The following ABCA5 variants were observed in gnomAD, a reference collection of about 807,000 sequenced individuals.
The protein encoded by ABCA5 is cholesterol transporter ABCA5.
In ABCA5, 163 loss-of-function variants were observed where a neutral mutation model predicts 206.0. That is an observed-to-expected ratio of 0.79 (90% CI 0.70 to 0.90). The LOEUF (loss-of-function observed/expected upper bound fraction) is 0.90. Among genes scored for constraint, ABCA5 ranks in the 40% least tolerant of loss-of-function variants. The pLI is 0.00. For missense variants in ABCA5, 1,859 were observed against 1,912.9 expected, an observed-to-expected ratio of 0.97 and a Z score of 0.53; for synonymous variants, 609 against 613.8, an observed-to-expected ratio of 0.99 and a Z score of 0.11.
In ABCA5 at chr17:69,246,004, A is replaced by G. The variant is rs2074945835; in HGVS notation, c.*1533T>C. 6.6e-6 allele frequency: 1 copy of G among 152,012 alleles called. No individual in the cohort carries two copies. Among genetic ancestry groups the G allele is most frequent in the African/African-American group, 2.4e-5 (1 of 41,442 alleles). The allele number at this position is 152,012 out of a possible 1,614,324, so 9.4% of individuals were successfully genotyped here. On this transcript the variant is annotated 3_prime_UTR_variant, in exon 39 of 39. Transcript: ENST00000392676. ...ATTACAAAAGCACATCCCAAAAAAG[A>G]GGTCCCTGGGTATTTATGTGAACAT...
At position 69,249,976 on chromosome 17, in the gene ABCA5, G is replaced by A; in HGVS notation, c.4694C>T (p.Ser1565Phe). Residue 1565 changes from serine to phenylalanine, a missense_variant, in exon 37 of 39, where the codon TCT becomes TTT. Coordinates refer to ENST00000392676, the MANE Select transcript of ABCA5 (RefSeq NM_172232.4). The stretch of plus-strand genomic sequence containing the variant: ...CTTAGGAATTTTATAAGCCAAAATA[G>A]AAGAAAAACTGGAAAAAAAGATAAA... ...PNASRQESFSSILAYKIPKED... is the reference protein window; with the variant it reads ...PNASRQESFSFILAYKIPKED... 1.4e-6 allele frequency: 2 copies of A among 1,465,412 alleles called. No homozygotes were observed. The highest frequency in any genetic ancestry group is 1.8e-6 in the Non-Finnish European group (2 of 1,101,044). 90.8% of individuals were successfully genotyped at this position (1,465,412 alleles called of 1,614,324 possible).
intron 1 of ABCA5, among the ~76,000 whole-genome samples, chr17:69,319,375 TG>T (rs1231478074): frequency 6.6e-6 from 1 of 152,214 alleles, no homozygotes; most frequent in African/African-American, 2.4e-5. Context: ...CAGAATTTTT[TG>T]TTTTTTTGAG....
At chr17:69,293,904 T>C (rs1289843190) in intron 11 of ABCA5, among the ~76,000 whole-genome samples, 1 of 146,942 alleles carries the variant, frequency 6.8e-6, no homozygotes, top group Non-Finnish European at 1.5e-5. Context: ...GTGTGTATTC[T>C]ATTGGTTCTG....
Position 69,254,303 on chromosome 17 carries a change from C to A in ABCA5, c.4244+12G>T. ...CTAAGTAACAAAAGGAATCTAAAGA[C>A]AATTATTTTACCGACTTATGACTTC... On this transcript the variant is annotated intron_variant, in intron 32 of 38. Coordinates refer to ENST00000392676, the MANE Select transcript of ABCA5 (RefSeq NM_172232.4). The A allele has an allele frequency of 6.3e-7, 1 of 1,581,312 alleles. No homozygotes were observed. Among genetic ancestry groups the A allele is most frequent in the Non-Finnish European group, 8.6e-7 (1 of 1,162,662 alleles).
At position 69,304,716 on chromosome 17, in the gene ABCA5, T is replaced by C. The variant is rs1427627337; in HGVS notation, c.883A>G (p.Ser295Gly). Residue 295 changes from serine (S) to glycine (G), a missense_variant, in exon 7 of 39, where the codon AGC (serine) becomes GGC (glycine). By Grantham distance (56) the Ser-to-Gly change is moderately conservative. Coordinates refer to ENST00000392676, the MANE Select transcript of ABCA5 (RefSeq NM_172232.4). ...AAAAGCAGAAATATCACAATGCTGCTACTTTGAGGAAATAACAAAGAAGCT... is the reference window on the plus strand; with the variant it reads ...AAAAGCAGAAATATCACAATGCTGCCACTTTGAGGAAATAACAAAGAAGCT... ...ATASLLFPQS[S>G]SIVIFLLFFL... 6.2e-7 allele frequency: 1 copy of C among 1,608,962 alleles called. No homozygotes were observed. Among genetic ancestry groups the C allele is most frequent in the African/African-American group, 1.3e-5 (1 of 74,732 alleles).
chr17:69,261,399 A>C, intron 25 of ABCA5, 140 bp from the exon 26 acceptor site: 2 of 795,598 alleles, frequency 2.5e-6, no homozygotes, highest in Non-Finnish European at 3.9e-6. Context: ...AAGCAACAAG[A>C]ATACCACTTG....
chr17:69,275,306 A>G (rs2075319643), intron 19 of ABCA5, among the ~76,000 whole-genome samples: 2 of 152,220 alleles, frequency 1.3e-5, no homozygotes, highest in African/African-American at 4.8e-5. Flanking sequence ...AAGGTATACT[A>G]CAATGCCCTT....
rs1467938583 is a variant in ABCA5 at position 69,297,251 on chromosome 17, A to G, written c.1376T>C (p.Ile459Thr). The G allele has an allele frequency of 6.2e-7, 1 of 1,612,984 alleles. No homozygotes were observed. The highest frequency in any genetic ancestry group is 1.7e-5 in the Admixed American group (1 of 59,876). Reference sequence around the variant, plus strand: ...TGGCTCAATAATTTCACTAAAACTAATATTTCCATTAACATTGCCCTCTGA... The same window carrying G: ...TGGCTCAATAATTTCACTAAAACTAGTATTTCCATTAACATTGCCCTCTGA... ...ELSEGNVNGN[I>T]SFSEIIEPVS... Residue 459 changes from isoleucine to threonine, a missense_variant, in exon 10 of 39, where the codon ATT becomes ACT. Ile to Thr is a moderately conservative substitution (Grantham distance 89). Transcript: ENST00000392676.
intron 1 of ABCA5, among the ~76,000 whole-genome samples, chr17:69,316,553 ATC>A: frequency 6.6e-6 from 1 of 151,316 alleles, no homozygotes; most frequent in Non-Finnish European, 1.5e-5. Flanking sequence ...CTTTCATATT[ATC>A]AGATTTATAA....
chr17:69,292,606 T>C (rs1047699739), intron 11 of ABCA5, among the ~76,000 whole-genome samples: 2 of 152,174 alleles, frequency 1.3e-5, no homozygotes, highest in Non-Finnish European at 2.9e-5. Context: ...TCTTGCTTCT[T>C]TGCATTAGAA....
chr17:69,256,229 CT>C lies in ABCA5; in HGVS notation c.3785del (p.Glu1262GlyfsTer12), dbSNP rs765698765. Reference protein sequence around the residue: ...NRKLPEPPDNEDEDEDVKAER... With the variant: ...NRKLPEPPDNXDEDEDVKAER... ...CAGCTTTGACATCTTCATCTTCATC[CT>C]CATTGTCTGGTGGTTCTGGAAGCTT... is the stretch of plus-strand genomic sequence containing the variant. On this transcript the variant is annotated frameshift_variant, in exon 29 of 39. Coordinates refer to ENST00000392676, the MANE Select transcript of ABCA5 (RefSeq NM_172232.4). LOFTEE classifies it high-confidence loss of function. 2 of 1,610,362 alleles carry C rather than the reference CT, an allele frequency of 1.2e-6. No homozygotes were observed. The highest frequency in any genetic ancestry group is 3.3e-5 in the Admixed American group (2 of 59,864).
Position 69,308,381 on chromosome 17 carries a change from G to T in ABCA5, c.470-13C>A, listed in dbSNP as rs745877923. 4 of 1,583,320 alleles carry T rather than the reference G, an allele frequency of 2.5e-6. No individual in the cohort carries two copies. The South Asian group carries it at 4.4e-5, about 18-fold the overall frequency. ...TTTGAACAGCCAGCTATGGGGGGAA[G>T]AATATGAGATCTAAGATTCTGTACA... On this transcript the variant is annotated splice_polypyrimidine_tract_variant and intron_variant, in intron 4 of 38. Transcript: ENST00000392676.
intron 28 of ABCA5, among the ~76,000 whole-genome samples, chr17:69,256,845 G>C (rs891089451): frequency 4.6e-5 from 7 of 151,928 alleles, no homozygotes; most frequent in African/African-American, 1.7e-4. Flanking sequence ...TGACTAGTAG[G>C]TGTCAGGTAT....
intron 23 of ABCA5, among the ~76,000 whole-genome samples, chr17:69,266,032 C>T (rs2075203921): frequency 6.6e-6 from 1 of 151,980 alleles, no homozygotes; most frequent in African/African-American, 2.4e-5. Flanking sequence ...AAATGTTCTT[C>T]AACAGGCAAA....
chr17:69,288,432 T>C lies in ABCA5; in HGVS notation c.1903-681A>G, dbSNP rs553582866. 9.8e-5 allele frequency among the ~76,000 whole-genome samples: 15 copies of C among 152,310 alleles called. No homozygotes were observed. The East Asian group carries it at 2.9e-3, about 29-fold the overall frequency. On this transcript the variant is annotated intron_variant, in intron 14 of 38. Transcript: ENST00000392676. ...AAACTGAATCACTCCTTTGATTTTG[T>C]TCTATTTCTTAACTTTTGTTATTAA...
At chr17:69,323,248 T>C (rs114042311) in intron 1 of ABCA5, among the ~76,000 whole-genome samples, 1 of 152,322 alleles carries the variant, frequency 6.6e-6, no homozygotes, top group African/African-American at 2.4e-5. Flanking sequence ...CTTTGACCAT[T>C]ACATCCTTAA....
intron 19 of ABCA5, among the ~76,000 whole-genome samples, chr17:69,276,894 T>C (rs1020448272): frequency 6.6e-6 from 1 of 152,234 alleles, no homozygotes; most frequent in Non-Finnish European, 1.5e-5. Context: ...GTGATTGACA[T>C]TTGTTTGACA....
intron 28 of ABCA5, 148 bp from the exon 29 acceptor site, chr17:69,256,431 T>C (rs1643685915): frequency 4.4e-6 from 2 of 453,364 alleles, no homozygotes; most frequent in African/African-American, 2.1e-5. Flanking sequence ...ATAAGCGATA[T>C]TTCTTTTTTT....
At chr17:69,270,494 A>G in intron 22 of ABCA5, 119 bp downstream of exon 22, 1 of 926,316 alleles carries the variant, frequency 1.1e-6, no homozygotes, top group Non-Finnish European at 1.6e-6. Context: ...GAGTTTTAAG[A>G]AGTCTAAGAG....
Sources: allele counts gnomAD v4.1 joint callset (sites outside exome capture counted in the v4.1 genomes callset), GRCh38; gene constraint gnomAD v4.1.1; transcripts MANE v1.5; gene names NCBI Gene and HGNC (gene_info 2026-07-23, HGNC 2026-07-21).